CDH13: variants seen among roughly 807,000 people sequenced by gnomAD.
CDH13 encodes the protein cadherin 13.
CDH13 carries 24 observed loss-of-function variants against 63.8 expected under a neutral mutation model. That is an observed-to-expected ratio of 0.38 (90% CI 0.27 to 0.53). The LOEUF is 0.53. Ranked by LOEUF, CDH13 falls within the 20% of genes least tolerant of loss-of-function variation. The pLI is 0.85. For missense variants in CDH13, 1,049 were observed against 903.1 expected, an observed-to-expected ratio of 1.16 and a Z score of -2.07; for synonymous variants, 503 against 355.3, an observed-to-expected ratio of 1.42 and a Z score of -4.67.
chr16:82,945,671 C>G (rs1003101135), intron 2 of CDH13, among the ~76,000 whole-genome samples: 1 of 152,118 alleles, frequency 6.6e-6, no homozygotes, highest in Non-Finnish European at 1.5e-5. Context: ...ACTCCCTCTT[C>G]TATACTAAGT....
chr16:82,784,280 G>A (rs4783271), intron 1 of CDH13, among the ~76,000 whole-genome samples: 136,925 of 152,224 alleles, frequency 0.9, 62,327 homozygotes, highest in East Asian at 1. Context: ...CATCCCTGTC[G>A]GCCAGAATGC....
At chr16:83,268,394 C>A (rs1204186697) in intron 5 of CDH13, among the ~76,000 whole-genome samples, 1 of 152,146 alleles carries the variant, frequency 6.6e-6, no homozygotes, top group Non-Finnish European at 1.5e-5. Flanking sequence ...CCAGTTGGCT[C>A]AAGCATTTCA....
chr16:83,261,159 C>T (rs1019082541), intron 5 of CDH13, among the ~76,000 whole-genome samples: 5 of 152,082 alleles, frequency 3.3e-5, no homozygotes, highest in African/African-American at 1.2e-4. Context: ...ATAGTGACCA[C>T]GGTTCAGTTT....
intron 7 of CDH13, among the ~76,000 whole-genome samples, chr16:83,510,368 C>G (rs1828064221): frequency 6.6e-6 from 1 of 152,174 alleles, no homozygotes; most frequent in African/African-American, 2.4e-5. Context: ...CACAATTGGA[C>G]TTAACTTGCC....
chr16:83,232,669 C>T (rs1026897122), intron 5 of CDH13, among the ~76,000 whole-genome samples: 1 of 152,080 alleles, frequency 6.6e-6, no homozygotes, highest in Non-Finnish European at 1.5e-5. Context: ...TTCCTGAGTC[C>T]TCCCCAGAAG....
chr16:82,902,745 C>G (rs2041512251), intron 2 of CDH13, among the ~76,000 whole-genome samples: 1 of 152,098 alleles, frequency 6.6e-6, no homozygotes, highest in Non-Finnish European at 1.5e-5. Flanking sequence ...GTAGATTTCC[C>G]CAACGAAACC....
chr16:83,541,131 C>T (rs965354725), intron 7 of CDH13, among the ~76,000 whole-genome samples: 1 of 152,096 alleles, frequency 6.6e-6, no homozygotes, highest in Non-Finnish European at 1.5e-5. Context: ...CCACCTCCAG[C>T]CTCTGGCCTA....
intron 7 of CDH13, among the ~76,000 whole-genome samples, chr16:83,559,675 A>T (rs1477811909): frequency 1.3e-5 from 2 of 151,762 alleles, no homozygotes; most frequent in African/African-American, 2.4e-5. Flanking sequence ...AAAATTGAAA[A>T]CCCTGAGGTA....
chr16:82,638,817 A>AGTGTGT (rs779050661), intron 1 of CDH13, among the ~76,000 whole-genome samples: 2 of 52,490 alleles, frequency 3.8e-5, no homozygotes, highest in Admixed American at 1.8e-4. Flanking sequence ...TTATTAGGGC[A>AGTGTGT]GTGTGTGCGT....
chr16:83,271,429 A>G (rs897318463), intron 5 of CDH13, among the ~76,000 whole-genome samples: 6 of 124,078 alleles, frequency 4.8e-5, no homozygotes, highest in Non-Finnish European at 8.3e-5. Flanking sequence ...TCATAAAAAA[A>G]AAAAAAAAAA....
intron 1 of CDH13, among the ~76,000 whole-genome samples, chr16:82,817,192 T>A (rs891269881): frequency 1.3e-5 from 2 of 152,092 alleles, no homozygotes; most frequent in Non-Finnish European, 2.9e-5. Flanking sequence ...AGGTACCTGT[T>A]CCTTTTTCTG....
chr16:83,400,861 G>A (rs7185475), intron 6 of CDH13, among the ~76,000 whole-genome samples: 8,604 of 152,088 alleles, frequency 0.057, 266 homozygotes, highest in Non-Finnish European at 0.06. Context: ...TTTAAAATTC[G>A]GTCCTGTAAG....
chr16:83,308,774 G>C (rs1022546615), intron 5 of CDH13, among the ~76,000 whole-genome samples: 2 of 152,314 alleles, frequency 1.3e-5, no homozygotes, highest in Admixed American at 6.5e-5. Flanking sequence ...TGAGGAAGGA[G>C]AATCAAGACC....
At chr16:83,781,696 A>G (rs912121236) in intron 12 of CDH13, among the ~76,000 whole-genome samples, 1 of 151,864 alleles carries the variant, frequency 6.6e-6, no homozygotes, top group African/African-American at 2.4e-5. Context: ...GCTAGTTTTT[A>G]TGGCTATAGC....
In CDH13 at chr16:83,006,924, G is replaced by GTTTT. The variant is rs1286586839; in HGVS notation, c.158-25083_158-25082insTTTT. ...ATTTTTTTTGTTTGTTTGTTTGTTT[G>GTTTT]TTTGTTTGTTTTTTTTGAGACAGAG... On this transcript the variant is annotated intron_variant, in intron 2 of 13. Transcript: ENST00000567109. Among the ~76,000 whole-genome samples the GTTTT allele has an allele frequency of 2.5e-4, 32 of 127,738 alleles. 1 individual carries two copies. Among genetic ancestry groups the GTTTT allele is most frequent in the South Asian group, 4.8e-4 (2 of 4,210 alleles). 83.8% of individuals were successfully genotyped at this position (127,738 alleles called of 152,430 possible).
intron 4 of CDH13, among the ~76,000 whole-genome samples, chr16:83,216,405 T>TAA (rs2039515410): frequency 3.4e-5 from 2 of 58,916 alleles, no homozygotes; most frequent in Non-Finnish European, 6.3e-5. Context: ...GAAATATATA[T>TAA]ATATATATAT....
intron 1 of CDH13, among the ~76,000 whole-genome samples, chr16:82,779,359 A>C (rs2035644274): frequency 6.6e-6 from 1 of 152,156 alleles, no homozygotes; most frequent in Non-Finnish European, 1.5e-5. Context: ...TCCAGCCAGA[A>C]AGAGCAGAGG....
At chr16:82,645,792 C>T (rs191294420) in intron 1 of CDH13, among the ~76,000 whole-genome samples, 19 of 152,288 alleles carry the variant, frequency 1.2e-4, no homozygotes, top group East Asian at 3.9e-4. Flanking sequence ...TGGGTAAATA[C>T]GCACTTCAAC....
At chr16:83,010,420 T>G (rs954039155) in intron 2 of CDH13, among the ~76,000 whole-genome samples, 1 of 152,126 alleles carries the variant, frequency 6.6e-6, no homozygotes, top group Non-Finnish European at 1.5e-5. Flanking sequence ...ATGTAGGGTT[T>G]TTTTGGCCCC....
Sources: gnomAD v4.1 joint callset for allele counts (sites outside exome capture counted in the v4.1 genomes callset) on GRCh38, gnomAD v4.1.1 for gene constraint, MANE v1.5 for transcripts, NCBI Gene and HGNC (gene_info 2026-07-23, HGNC 2026-07-21) for gene names.